ADI1: variants seen among roughly 807,000 people sequenced by gnomAD.
ADI1 encodes the protein acireductone dioxygenase 1, also known as acireductone dioxygenase.
A neutral mutation model predicts 18.7 loss-of-function variants in ADI1; 21 were observed. The observed-to-expected ratio is 1.13, with a 90% CI of 0.80 to 1.62. The LOEUF is 1.62. Among genes scored for constraint, ADI1 ranks in the 40% most tolerant of loss-of-function variants. The pLI, the probability that ADI1 is intolerant of heterozygous loss-of-function variation, is 0.00. For synonymous variants in ADI1, 90 were observed against 100.1 expected (o/e 0.90, Z 0.60); for missense variants, 245 against 254.9 (o/e 0.96, Z 0.26).
intron 1 of ADI1, among the ~76,000 whole-genome samples, chr2:3,514,499 C>T (rs577764670): frequency 3.3e-4 from 51 of 152,332 alleles, no homozygotes; most frequent in Admixed American, 3.3e-3. Context: ...GTTCCCATCT[C>T]CTACTTTTTA....
intron 2 of ADI1, among the ~76,000 whole-genome samples, chr2:3,510,131 G>A (rs923834858): frequency 7.4e-5 from 11 of 148,498 alleles, no homozygotes; most frequent in Admixed American, 1.3e-4. Context: ...CAACAAGAGC[G>A]GAACTCTGTC....
chr2:3,509,726 G>GATT (rs1667254061), intron 2 of ADI1, among the ~76,000 whole-genome samples: 1 of 151,916 alleles, frequency 6.6e-6, no homozygotes. Flanking sequence ...CTAAACCCCC[G>GATT]TACTAAGGAA....
intron 1 of ADI1, chr2:3,514,705 C>A: frequency 7.0e-7 from 1 of 1,424,642 alleles, no homozygotes; most frequent in Non-Finnish European, 9.4e-7. Flanking sequence ...CCTGATGAAG[C>A]TCCAGGCAGA....
chr2:3,504,926 T>C (rs1458094540), intron 2 of ADI1, among the ~76,000 whole-genome samples: 1 of 152,200 alleles, frequency 6.6e-6, no homozygotes, highest in African/African-American at 2.4e-5. Flanking sequence ...TATGTTTGCA[T>C]TGTCAGTTCA....
chr2:3,518,283 G>T (rs188177562), intron 1 of ADI1, among the ~76,000 whole-genome samples: 1 of 152,248 alleles, frequency 6.6e-6, no homozygotes, highest in African/African-American at 2.4e-5. Flanking sequence ...AGATTATGCT[G>T]GAATATTCTA....
rs568841795 is a variant in ADI1 at position 3,505,076 on chromosome 2, T to C, written c.241-4083A>G. ...TTTGTATTGTTGGTTCACCTGTGTA[T>C]GTCTGCATTGTTGGTTCACCTGTGT... On this transcript the variant is annotated intron_variant, in intron 2 of 3. Transcript: ENST00000327435. Among the ~76,000 whole-genome samples the C allele has an allele frequency of 1.7e-4, 26 of 152,366 alleles. No individual in the cohort carries two copies. The South Asian group carries it at 5.2e-3, about 30-fold the overall frequency.
At chr2:3,510,143 CAAAAAAAA>C (rs757457209) in intron 2 of ADI1, among the ~76,000 whole-genome samples, 5 of 66,624 alleles carry the variant, frequency 7.5e-5, no homozygotes, top group African/African-American at 2.8e-4. Context: ...AACTCTGTCT[CAAAAAAAA>C]AAAAAAAAAA....
intron 1 of ADI1, among the ~76,000 whole-genome samples, chr2:3,518,153 T>C (rs1667448335): frequency 6.6e-6 from 1 of 152,228 alleles, no homozygotes; most frequent in Admixed American, 6.5e-5. Context: ...GTGTTAAACC[T>C]TATCCTAGGA....
At chr2:3,509,513 A>T (rs114608194) in intron 2 of ADI1, among the ~76,000 whole-genome samples, 4,838 of 152,254 alleles carry the variant, frequency 0.032, 269 homozygotes, top group African/African-American at 0.11. Flanking sequence ...AGAAACAAAT[A>T]AAAAAATCTA....
At chr2:3,502,964 A>G (rs1352901867) in intron 2 of ADI1, among the ~76,000 whole-genome samples, 4 of 152,112 alleles carry the variant, frequency 2.6e-5, no homozygotes, top group Non-Finnish European at 5.9e-5. Flanking sequence ...AGTGAGAGGA[A>G]AGATACAAAT....
chr2:3,508,527 C>T (rs1667227490), intron 2 of ADI1, among the ~76,000 whole-genome samples: 2 of 151,964 alleles, frequency 1.3e-5, no homozygotes, highest in African/African-American at 2.4e-5. Context: ...ATGTCATCTA[C>T]AAGAAGCCCT....
At position 3,498,989 on chromosome 2, in the gene ADI1, C is replaced by T. The variant is rs749758704; in HGVS notation, c.514G>A (p.Val172Met). ...ADHFEARGQY[V>M]KFLAQTA The stretch of plus-strand genomic sequence containing the variant: ...TAGGCGGTCTGTGCCAGAAATTTCA[C>T]GTACTGCCCGCGGGCTTCAAAATGG... Residue 172 changes from valine (V) to methionine (M), a missense_variant, in exon 4 of 4, where the codon GTG becomes ATG. By Grantham distance (21) the Val-to-Met change is conservative. Transcript: ENST00000327435. 9 of 1,613,420 alleles carry T rather than the reference C, an allele frequency of 5.6e-6. No individual in the cohort carries two copies. Among genetic ancestry groups the T allele is most frequent in the South Asian group, 1.1e-5 (1 of 91,064 alleles).
At chr2:3,508,488 A>C (rs1667226498) in intron 2 of ADI1, among the ~76,000 whole-genome samples, 1 of 152,190 alleles carries the variant, frequency 6.6e-6, no homozygotes, top group African/African-American at 2.4e-5. Context: ...GAAACCATCG[A>C]AATGGATTAA....
chr2:3,511,850 G>A (rs1264013627), intron 2 of ADI1, among the ~76,000 whole-genome samples: 4 of 152,238 alleles, frequency 2.6e-5, no homozygotes, highest in Non-Finnish European at 4.4e-5. Flanking sequence ...AGATGGAAAT[G>A]AGGAATTTAT....
chr2:3,507,829 T>G (rs1295621701), intron 2 of ADI1, among the ~76,000 whole-genome samples: 3 of 152,168 alleles, frequency 2.0e-5, no homozygotes, highest in Non-Finnish European at 4.4e-5. Context: ...TATTAGGTGA[T>G]TATAACATAT....
At position 3,519,400 on chromosome 2, in the gene ADI1, G is replaced by T. The variant is rs749717090; in HGVS notation, c.88C>A (p.Gln30Lys). 7.1e-7 allele frequency: 1 copy of T among 1,412,216 alleles called. No homozygotes were observed. The highest frequency in any genetic ancestry group is 1.5e-5 in the South Asian group (1 of 66,492). 87.5% of individuals were successfully genotyped at this position (1,412,216 alleles called of 1,614,324 possible). ...PDPGRPVGLE[Q>K]LRRLGVLYWK... ...TAGAGCACCCCGAGCCGCCGCAGCT[G>T]CTCCAGGCCCACTGGGCGGCCGGGG... The change falls in exon 1 of 4, where the codon CAG becomes AAG. Residue 30 changes from glutamine (Q) to lysine (K), a missense_variant. Physicochemically the swap from Gln to Lys is moderately conservative, Grantham distance 53. Transcript: ENST00000327435.
chr2:3,503,780 G>C (rs550267088), intron 2 of ADI1, among the ~76,000 whole-genome samples: 2 of 152,206 alleles, frequency 1.3e-5, no homozygotes, highest in Admixed American at 6.5e-5. Flanking sequence ...AGCTAACGAG[G>C]CTGCTGCTTG....
intron 2 of ADI1, among the ~76,000 whole-genome samples, chr2:3,503,773 T>C (rs1456844250): frequency 6.6e-6 from 1 of 152,156 alleles, no homozygotes; most frequent in Non-Finnish European, 1.5e-5. Context: ...AGAAGTCAGC[T>C]AACGAGGCTG....
At position 3,519,351 on chromosome 2, in the gene ADI1, G is replaced by A; in HGVS notation, c.120+17C>T. ...TCGGCGTCGCCCGCACGCTCTGCGA[G>A]GCTTGGGCTCGCGTACCTTCCAGTA... On this transcript the variant is annotated intron_variant, in intron 1 of 3. Coordinates refer to ENST00000327435, the MANE Select transcript of ADI1 (RefSeq NM_018269.4). 2.1e-6 allele frequency: 3 copies of A among 1,415,306 alleles called. No homozygotes were observed. Among genetic ancestry groups the A allele is most frequent in the Admixed American group, 3.1e-5 (1 of 32,156 alleles). 87.7% of individuals were successfully genotyped at this position (1,415,306 alleles called of 1,614,324 possible). A position where few individuals can be genotyped will look rare whatever the true frequency, so the allele number is the denominator to read the frequency against.
Sources: allele counts gnomAD v4.1 joint callset (sites outside exome capture counted in the v4.1 genomes callset), GRCh38; gene constraint gnomAD v4.1.1; transcripts MANE v1.5; gene names NCBI Gene and HGNC (gene_info 2026-07-23, HGNC 2026-07-21).